The following RIMS1 variants were observed in gnomAD, a reference collection of about 807,000 sequenced individuals.
The protein encoded by RIMS1 is regulating synaptic membrane exocytosis 1, also known as regulating synaptic membrane exocytosis protein 1.
In RIMS1, 83 loss-of-function variants were observed where a neutral mutation model predicts 214.1. That is an observed-to-expected ratio of 0.39 (90% CI 0.32 to 0.47). The LOEUF (loss-of-function observed/expected upper bound fraction) is 0.47, where lower values mean the gene tolerates loss of function less well. RIMS1 is among the 20% of genes least tolerant of loss of function. The pLI, the probability that RIMS1 is intolerant of heterozygous loss-of-function variation, is 0.99. For missense variants in RIMS1, 2,050 were observed against 2,161.8 expected (o/e 0.95, Z 1.03); for synonymous variants, 793 against 786.8 (o/e 1.01, Z -0.13).
At chr6:72,262,392 A>G (rs1484563715) in intron 19 of RIMS1, 3 of 980,280 alleles carry the variant, frequency 3.1e-6, no homozygotes, top group East Asian at 2.3e-4. Flanking sequence ...ATTTAAAAAT[A>G]AATGAGTATT....
intron 9 of RIMS1, among the ~76,000 whole-genome samples, chr6:72,241,227 T>G (rs1260216868): frequency 6.6e-6 from 1 of 152,228 alleles, no homozygotes; most frequent in Non-Finnish European, 1.5e-5. Flanking sequence ...GGCTATAAAA[T>G]GTATACTGAT....
At chr6:72,342,511 A>G (rs532244389) in intron 29 of RIMS1, among the ~76,000 whole-genome samples, 30 of 151,918 alleles carry the variant, frequency 2.0e-4, no homozygotes, top group Admixed American at 1.4e-3. Flanking sequence ...GGAGCTTAGC[A>G]TTAGGAAGGA....
intron 6 of RIMS1, among the ~76,000 whole-genome samples, chr6:72,193,071 A>G (rs915781054): frequency 1.3e-5 from 2 of 152,246 alleles, no homozygotes; most frequent in African/African-American, 4.8e-5. Flanking sequence ...TGTGTTATAA[A>G]TCACAGTGAG....
intron 4 of RIMS1, among the ~76,000 whole-genome samples, chr6:72,153,841 T>C (rs995484389): frequency 5.3e-5 from 8 of 152,170 alleles, no homozygotes; most frequent in African/African-American, 1.9e-4. Context: ...TTTGTACAGG[T>C]GGTTGTAATC....
chr6:72,170,149 G>A (rs1486397505), intron 4 of RIMS1, among the ~76,000 whole-genome samples: 1 of 152,066 alleles, frequency 6.6e-6, no homozygotes, highest in African/African-American at 2.4e-5. Context: ...TTTACAGCCT[G>A]AGATGCTTTC....
chr6:72,179,483 C>A, intron 4 of RIMS1, 92 bp from the exon 5 acceptor site: 3 of 1,062,012 alleles, frequency 2.8e-6, no homozygotes, highest in African/African-American at 1.6e-5. Context: ...AAAATGAATA[C>A]TGTTCTTTTT....
intron 1 of RIMS1, among the ~76,000 whole-genome samples, chr6:71,949,611 C>T (rs1788857159): frequency 6.6e-6 from 1 of 152,070 alleles, no homozygotes; most frequent in African/African-American, 2.4e-5. Context: ...AATGAGCTAG[C>T]CATGCTGATA....
At chr6:72,128,399 C>A (rs1032170403) in intron 4 of RIMS1, among the ~76,000 whole-genome samples, 4 of 150,798 alleles carry the variant, frequency 2.7e-5, no homozygotes, top group African/African-American at 7.3e-5. Context: ...CGCTTCTTGT[C>A]CTTTTTTAAA....
chr6:71,954,871 C>CCACACACACACACA (rs113212281), intron 1 of RIMS1, among the ~76,000 whole-genome samples: 1 of 147,308 alleles, frequency 6.8e-6, no homozygotes, highest in African/African-American at 2.5e-5. Flanking sequence ...CACACACACT[C>CCACACACACACACA]CACACACACA....
chr6:72,174,675 C>T (rs1455299589), intron 4 of RIMS1, among the ~76,000 whole-genome samples: 4 of 151,876 alleles, frequency 2.6e-5, no homozygotes, highest in African/African-American at 7.3e-5. Context: ...GCTTTAGAAA[C>T]GTTTAGAATC....
intron 4 of RIMS1, among the ~76,000 whole-genome samples, chr6:72,169,733 G>A (rs890552825): frequency 9.2e-5 from 14 of 152,070 alleles, no homozygotes; most frequent in Non-Finnish European, 1.6e-4. Context: ...GTGAAAGCCT[G>A]TCTCTACCAA....
chr6:71,937,724 G>A (rs534884840), intron 1 of RIMS1, among the ~76,000 whole-genome samples: 18 of 152,288 alleles, frequency 1.2e-4, no homozygotes, highest in African/African-American at 4.3e-4. Flanking sequence ...TGAGGACAGA[G>A]CCTAATCACC....
chr6:72,313,946 A>G (rs1186416169), intron 28 of RIMS1, among the ~76,000 whole-genome samples: 1 of 152,192 alleles, frequency 6.6e-6, no homozygotes, highest in Non-Finnish European at 1.5e-5. Context: ...CCAACATCAG[A>G]AAGTGTATTC....
At chr6:72,041,941 A>T (rs1821556727) in intron 2 of RIMS1, among the ~76,000 whole-genome samples, 1 of 151,860 alleles carries the variant, frequency 6.6e-6, no homozygotes, top group African/African-American at 2.4e-5. Flanking sequence ...TCACACCAAG[A>T]CTGACCTAAC....
At chr6:72,348,322 C>T (rs1450516540) in intron 29 of RIMS1, among the ~76,000 whole-genome samples, 3 of 151,738 alleles carry the variant, frequency 2.0e-5, no homozygotes, top group Admixed American at 6.6e-5. Flanking sequence ...CCTGCATATG[C>T]GGAGGGATAG....
chr6:71,904,630 A>G (rs1774720621), intron 1 of RIMS1, among the ~76,000 whole-genome samples: 1 of 152,184 alleles, frequency 6.6e-6, no homozygotes, highest in South Asian at 2.1e-4. Flanking sequence ...AAATTAAAAT[A>G]ACAAGTTTGG....
At chr6:71,952,777 G>A (rs1790031269) in intron 1 of RIMS1, among the ~76,000 whole-genome samples, 1 of 152,088 alleles carries the variant, frequency 6.6e-6, no homozygotes, top group Admixed American at 6.6e-5. Flanking sequence ...GGTGGTCTGT[G>A]GGACAGCTGG....
chr6:72,159,993 T>A (rs1440646541), intron 4 of RIMS1, among the ~76,000 whole-genome samples: 1 of 136,768 alleles, frequency 7.3e-6, no homozygotes, highest in Non-Finnish European at 1.7e-5. Flanking sequence ...CAAGGCCATT[T>A]TCACGATATT....
intron 4 of RIMS1, among the ~76,000 whole-genome samples, chr6:72,106,311 A>G (rs1231602835): frequency 1.3e-5 from 2 of 152,202 alleles, no homozygotes; most frequent in African/African-American, 2.4e-5. Flanking sequence ...GTTTTTATTG[A>G]CCAATAAAGT....
Sources: gnomAD v4.1 joint callset for allele counts (sites outside exome capture counted in the v4.1 genomes callset) on GRCh38, gnomAD v4.1.1 for gene constraint, MANE v1.5 for transcripts, NCBI Gene and HGNC (gene_info 2026-07-23, HGNC 2026-07-21) for gene names.